ANKMY1: variants seen among roughly 807,000 people sequenced by gnomAD.
ANKMY1 encodes the protein ankyrin repeat and MYND domain containing 1.
ANKMY1 carries 98 observed loss-of-function variants against 102.0 expected under a neutral mutation model. The ratio of observed to expected loss-of-function variants is 0.96; its 90% CI spans 0.82 to 1.14. The LOEUF (loss-of-function observed/expected upper bound fraction) is 1.14, where lower values mean the gene tolerates loss of function less well. Ranked by LOEUF, ANKMY1 falls within the 50% of genes most tolerant of loss-of-function variation. The pLI is 0.00. For synonymous variants in ANKMY1, 582 were observed against 559.9 expected (o/e 1.04, Z -0.56); for missense variants, 1,330 against 1,347.6 (o/e 0.99, Z 0.20).
upstream of ANKMY1, chr2:240,558,050 C>T: frequency 3.3e-6 from 3 of 909,088 alleles, no homozygotes; most frequent in Non-Finnish European, 3.9e-6. Context: ...TCTCCGGCTC[C>T]GCCAATCCCC....
the ANKMY1 span, among the ~76,000 whole-genome samples, chr2:240,471,309 A>G: frequency 7.0e-6 from 1 of 143,608 alleles, no homozygotes; most frequent in Non-Finnish European, 1.5e-5. Context: ...ACCAGGCTGG[A>G]GTGCAGTGGT....
At chr2:240,505,175 C>G (rs544735245) in intron 13 of ANKMY1, among the ~76,000 whole-genome samples, 2 of 150,994 alleles carry the variant, frequency 1.3e-5, no homozygotes, top group Admixed American at 1.3e-4. Flanking sequence ...AAACATTAAA[C>G]GTATGGCCGG....
intron 13 of ANKMY1, among the ~76,000 whole-genome samples, chr2:240,505,357 G>A (rs1230186933): frequency 6.6e-6 from 1 of 151,908 alleles, no homozygotes; most frequent in East Asian, 1.9e-4. Context: ...AGCTACTCGG[G>A]AGGGTGAGGC....
At chr2:240,549,128 C>T (rs2091022825) in intron 4 of ANKMY1, among the ~76,000 whole-genome samples, 1 of 151,806 alleles carries the variant, frequency 6.6e-6, no homozygotes, top group South Asian at 2.1e-4. Context: ...TACAAGGCTA[C>T]AGTAACCAAA....
At chr2:240,518,024 C>T (rs1489369608) in intron 9 of ANKMY1, among the ~76,000 whole-genome samples, 4 of 152,112 alleles carry the variant, frequency 2.6e-5, no homozygotes, top group South Asian at 4.2e-4. Flanking sequence ...CTGCCCACGA[C>T]GCCCCTCCTC....
chr2:240,525,549 T>C, intron 7 of ANKMY1, 136 bp downstream of exon 7: 2 of 1,147,470 alleles, frequency 1.7e-6, no homozygotes, highest in Non-Finnish European at 2.4e-6. Flanking sequence ...TCTGTCTCTC[T>C]TGCCCACTCC....
intron 13 of ANKMY1, among the ~76,000 whole-genome samples, chr2:240,504,581 TA>T (rs201930752): frequency 7.3e-5 from 11 of 151,032 alleles, no homozygotes; most frequent in East Asian, 5.8e-4. Context: ...TCAATAATAT[TA>T]AAAAAAAAGA....
At chr2:240,524,929 T>C (rs1321338483) in intron 7 of ANKMY1, among the ~76,000 whole-genome samples, 1 of 152,230 alleles carries the variant, frequency 6.6e-6, no homozygotes, top group Non-Finnish European at 1.5e-5. Flanking sequence ...GTGGCATCAG[T>C]GAAACCAGCC....
intron 4 of ANKMY1, among the ~76,000 whole-genome samples, chr2:240,542,920 G>A (rs2089355998): frequency 6.7e-6 from 1 of 149,748 alleles, no homozygotes; most frequent in African/African-American, 2.4e-5. Context: ...TTTTCATTAA[G>A]TAATAAGTAA....
intron 10 of ANKMY1, 62 bp downstream of exon 10, chr2:240,512,740 G>A: frequency 6.5e-7 from 1 of 1,545,140 alleles, no homozygotes; most frequent in Non-Finnish European, 8.8e-7. Context: ...CAGAGTGTGT[G>A]AATCCATCCA....
chr2:240,534,935 T>A (rs1209119828), intron 4 of ANKMY1, among the ~76,000 whole-genome samples: 1 of 152,128 alleles, frequency 6.6e-6, no homozygotes, highest in Non-Finnish European at 1.5e-5. Context: ...AGACCCCATC[T>A]CTACAAAAAT....
At chr2:240,489,024 G>C (rs1574899491) in intron 15 of ANKMY1, among the ~76,000 whole-genome samples, 1 of 152,196 alleles carries the variant, frequency 6.6e-6, no homozygotes, top group African/African-American at 2.4e-5. Flanking sequence ...AGTGGTGAAA[G>C]TGGGCAACCT....
At chr2:240,528,878 C>T (rs1036684917) in intron 5 of ANKMY1, among the ~76,000 whole-genome samples, 159 bp downstream of exon 5, 3 of 152,190 alleles carry the variant, frequency 2.0e-5, no homozygotes, top group African/African-American at 4.8e-5. Flanking sequence ...CTTTCCCTCC[C>T]TTCATTATCG....
intron 11 of ANKMY1, among the ~76,000 whole-genome samples, chr2:240,510,215 C>T: frequency 7.1e-6 from 1 of 139,896 alleles, no homozygotes; most frequent in Non-Finnish European, 1.6e-5. Context: ...TAGTCCGTGC[C>T]CTCCCTGCCT....
At chr2:240,495,803 G>C (rs1221238870) in intron 15 of ANKMY1, among the ~76,000 whole-genome samples, 1 of 152,148 alleles carries the variant, frequency 6.6e-6, no homozygotes, top group Non-Finnish European at 1.5e-5. Flanking sequence ...CACAGACCCT[G>C]TAGGGCTGGC....
At chr2:240,545,937 C>A (rs569895954) in intron 4 of ANKMY1, among the ~76,000 whole-genome samples, 5 of 152,232 alleles carry the variant, frequency 3.3e-5, no homozygotes, top group Non-Finnish European at 7.3e-5. Context: ...AAACACTCTG[C>A]AGGATATCAT....
In ANKMY1 at chr2:240,488,478, T is replaced by C. The variant is rs1026050682; in HGVS notation, c.2807-6217A>G. Among the ~76,000 whole-genome samples the C allele has an allele frequency of 2.0e-5, 3 of 152,212 alleles. No individual in the cohort carries two copies. The East Asian group carries it at 5.8e-4, about 29-fold the overall frequency. On this transcript the variant is annotated intron_variant, in intron 15 of 17. Transcript: ENST00000401804. ...GATTTTTTTGGTTCTATATGAATTT[T>C]AGGATTGTTTTTTCTGTTTTCGTGA...
At chr2:240,556,081 G>A (rs928929684) in intron 2 of ANKMY1, among the ~76,000 whole-genome samples, 1 of 152,170 alleles carries the variant, frequency 6.6e-6, no homozygotes, top group African/African-American at 2.4e-5. Flanking sequence ...AGAGAGGATG[G>A]GGGAACTCTG....
the ANKMY1 span, among the ~76,000 whole-genome samples, chr2:240,471,351 C>T: frequency 5.3e-5 from 8 of 151,104 alleles, no homozygotes; most frequent in Non-Finnish European, 1.0e-4. Flanking sequence ...CTCTGCCTCC[C>T]GGGTTCAAGC....
Sources: gnomAD v4.1 joint callset for allele counts (sites outside exome capture counted in the v4.1 genomes callset) on GRCh38, gnomAD v4.1.1 for gene constraint, MANE v1.5 for transcripts, NCBI Gene and HGNC (gene_info 2026-07-23, HGNC 2026-07-21) for gene names.